Variants in PINLYP observed in about 807,000 individuals in gnomAD.
PINLYP encodes the protein phospholipase A2 inhibitor and Ly6/PLAUR domain-containing protein.
In PINLYP, 12 loss-of-function variants were observed where a neutral mutation model predicts 15.8. The ratio of observed to expected loss-of-function variants is 0.76; its 90% confidence interval spans 0.49 to 1.23. The LOEUF is 1.23. Ranked by LOEUF, PINLYP falls within the 50% of genes most tolerant of loss-of-function variation. The pLI, the probability that PINLYP is intolerant of heterozygous loss-of-function variation, is 0.00. For missense variants in PINLYP, 278 were observed against 264.2 expected, an observed-to-expected ratio of 1.05 and a Z score of -0.36; for synonymous variants, 93 against 97.7, an observed-to-expected ratio of 0.95 and a Z score of 0.28.
exon 1 of PINLYP, among the ~76,000 whole-genome samples, chr19:43,576,363 G>A (rs1041864142): frequency 6.6e-6 from 1 of 151,610 alleles, no homozygotes; most frequent in Non-Finnish European, 1.5e-5. Context: ...ACATACATAC[G>A]CGCGCGCGCA....
chr19:43,581,339 C>T (rs752117538), exon 4 of PINLYP: 57 of 1,536,690 alleles, frequency 3.7e-5, no homozygotes, highest in Non-Finnish European at 3.8e-5. Context: ...GCCAGAGCGA[C>T]GGCTGCAACA....
intron 2 of PINLYP, among the ~76,000 whole-genome samples, chr19:43,577,933 A>G (rs528143169): frequency 6.6e-6 from 1 of 152,196 alleles, no homozygotes; most frequent in African/African-American, 2.4e-5. Flanking sequence ...ATATCATATG[A>G]TATATTTTTT....
At chr19:43,577,410 G>A in intron 2 of PINLYP, 149 bp downstream of exon 2, 2 of 876,472 alleles carry the variant, frequency 2.3e-6, no homozygotes, top group Non-Finnish European at 3.3e-6. Flanking sequence ...ATTCATGGAA[G>A]AGGCCAAGGG....
exon 5 of PINLYP, chr19:43,581,657 T>C: frequency 6.5e-7 from 1 of 1,536,442 alleles, no homozygotes; most frequent in Non-Finnish European, 8.7e-7. Context: ...CCCACTGTAC[T>C]GGAAAGGAAA....
intron 2 of PINLYP, among the ~76,000 whole-genome samples, chr19:43,577,811 TGA>T (rs1200416126): frequency 2.0e-5 from 3 of 151,918 alleles, no homozygotes; most frequent in African/African-American, 7.3e-5. Flanking sequence ...GAGGCTGAGG[TGA>T]GAGGATTGCT....
intron 2 of PINLYP, 47 bp downstream of exon 2, chr19:43,577,308 G>C (rs1600065376): frequency 6.6e-7 from 1 of 1,519,404 alleles, no homozygotes. Context: ...CAGGAAGAGA[G>C]AGGTCCCAGA....
intron 3 of PINLYP, chr19:43,580,996 G>T (rs1033749031): frequency 9.7e-6 from 5 of 516,804 alleles, no homozygotes; most frequent in Non-Finnish European, 1.6e-5. Flanking sequence ...GCAGCTACTC[G>T]GGAGGTGGAG....
chr19:43,580,590 A>G (rs1245694448), intron 3 of PINLYP: 5 of 974,364 alleles, frequency 5.1e-6, no homozygotes, highest in Non-Finnish European at 6.0e-6. Context: ...GAAATAGAGT[A>G]ATCCCGGAAG....
exon 2 of PINLYP, chr19:43,577,161 C>T (rs1972875658): frequency 6.5e-7 from 1 of 1,536,068 alleles, no homozygotes; most frequent in Non-Finnish European, 8.7e-7. Context: ...CCTATAAAAG[C>T]TGGGGACCAG....
exon 2 of PINLYP, chr19:43,577,213 G>A (rs2146079692): frequency 3.3e-6 from 5 of 1,536,132 alleles, no homozygotes; most frequent in East Asian, 2.4e-5. Context: ...CAGGAGACCA[G>A]AGACCTTTCT....
chr19:43,577,569 C>T (rs1423886001), intron 2 of PINLYP, among the ~76,000 whole-genome samples: 1 of 149,092 alleles, frequency 6.7e-6, no homozygotes, highest in African/African-American at 2.5e-5. Flanking sequence ...GAGAGCATGG[C>T]TGGAAAGGGA....
rs1404938297 is a variant in PINLYP at position 43,582,079 on chromosome 19, T to C, written c.*78T>C. ...CAGCCTGTAACTCCCCGTGTGCCTA[T>C]AAAGAAGTTAATAGAGCAAGCCTGA... On this transcript the variant is annotated 3_prime_UTR_variant, in exon 6 of 6. Coordinates refer to ENST00000599207, the Ensembl canonical transcript of PINLYP. The C allele has an allele frequency of 2.0e-6, 3 of 1,481,134 alleles. No homozygotes were observed. The East Asian group carries it at 7.4e-5, about 37-fold the overall frequency. The allele number at this position is 1,481,134 out of a possible 1,614,324, so 91.7% of individuals were successfully genotyped here.
In PINLYP at chr19:43,581,204, T is replaced by A. The variant is rs776944164; in HGVS notation, c.188-8T>A. On this transcript the variant is annotated splice_polypyrimidine_tract_variant and splice_region_variant and intron_variant, in intron 3 of 5. Transcript: ENST00000599207. ...CCAGCACTGTCCCTGCCTGTCCCCATCCCACAGAGGGCAAGGAGTTGGTGC... is the reference window on the plus strand; with the variant it reads ...CCAGCACTGTCCCTGCCTGTCCCCAACCCACAGAGGGCAAGGAGTTGGTGC... 2.1e-5 allele frequency: 33 copies of A among 1,536,426 alleles called. No individual in the cohort carries two copies. The Middle Eastern group carries it at 5.0e-4, about 23-fold the overall frequency.
intron 4 of PINLYP, 61 bp from the exon 5 acceptor site, chr19:43,581,502 G>C: frequency 6.6e-7 from 1 of 1,509,856 alleles, no homozygotes; most frequent in Non-Finnish European, 8.8e-7. Context: ...CGGGGTTGTT[G>C]GGAGGTTGGG....
chr19:43,578,451 A>C, intron 2 of PINLYP, 139 bp from the exon 3 acceptor site: 2 of 582,978 alleles, frequency 3.4e-6, no homozygotes, highest in Non-Finnish European at 6.1e-6. Flanking sequence ...TTCCTTGGGC[A>C]GTGGTCAACA....
At chr19:43,577,194 G>A in exon 2 of PINLYP, 1 of 1,536,104 alleles carries the variant, frequency 6.5e-7, no homozygotes, top group African/African-American at 1.4e-5. Context: ...CACACACCAT[G>A]AGGCTCTCCA....
At chr19:43,581,220 G>A in exon 4 of PINLYP, 1 of 1,536,934 alleles carries the variant, frequency 6.5e-7, no homozygotes, top group Non-Finnish European at 8.7e-7. Flanking sequence ...AGAGGGCAAG[G>A]AGTTGGTGCA....
chr19:43,577,167 A>G (rs1270371490), exon 2 of PINLYP: 2 of 1,535,994 alleles, frequency 1.3e-6, no homozygotes, highest in Non-Finnish European at 8.7e-7. Flanking sequence ...AAAGCTGGGG[A>G]CCAGGTACTG....
chr19:43,578,750 C>CCTTCAGGTCT, intron 3 of PINLYP, 44 bp downstream of exon 3: 1 of 1,432,044 alleles, frequency 7.0e-7, no homozygotes. Flanking sequence ...GTGGGGTGTA[C>CCTTCAGGTCT]CTTCAGGGTG....
Sources: allele counts gnomAD v4.1 joint callset (sites outside exome capture counted in the v4.1 genomes callset), GRCh38; gene constraint gnomAD v4.1.1; transcripts MANE v1.5; gene names NCBI Gene and HGNC (gene_info 2026-07-23, HGNC 2026-07-21).